RAP1A: variants seen among roughly 807,000 people sequenced by gnomAD.
RAP1A encodes RAP1A, member of RAS oncogene family, also known as ras-related protein Rap-1A.
RAP1A carries 6 observed loss-of-function variants against 26.4 expected under a neutral mutation model. The ratio of observed to expected loss-of-function variants is 0.23; its 90% CI spans 0.12 to 0.45. The LOEUF (loss-of-function observed/expected upper bound fraction) is 0.45, where lower values mean the gene tolerates loss of function less well. Among genes scored for constraint, RAP1A ranks in the 20% least tolerant of loss-of-function variants. The pLI is 0.99. For synonymous variants in RAP1A, 73 were observed against 79.4 expected, an observed-to-expected ratio of 0.92 and a Z score of 0.43; for missense variants, 121 against 217.2, an observed-to-expected ratio of 0.56 and a Z score of 2.78.
intron 1 of RAP1A, among the ~76,000 whole-genome samples, chr1:111,668,170 A>G (rs1660857691): frequency 6.6e-6 from 1 of 152,260 alleles, no homozygotes; most frequent in African/African-American, 2.4e-5. Flanking sequence ...GCCCAAAAGT[A>G]TCTTAAAATT....
At chr1:111,673,792 A>C (rs893812491) in intron 1 of RAP1A, among the ~76,000 whole-genome samples, 2 of 152,170 alleles carry the variant, frequency 1.3e-5, no homozygotes, top group African/African-American at 4.8e-5. Context: ...TAGAAAGAAA[A>C]ATTAACTTAC....
At position 111,713,849 on chromosome 1, in the gene RAP1A, T is replaced by A. The variant is rs1160584626; in HGVS notation, c.*1448T>A. On this transcript the variant is annotated 3_prime_UTR_variant, in exon 8 of 8. Transcript: ENST00000369709. Reference sequence around the variant, plus strand: ...GTAGAACAAAAAGCTTGTTAGCCAATTAAGTTCTGGAAAAGGAAAGAAACA... The same window carrying A: ...GTAGAACAAAAAGCTTGTTAGCCAAATAAGTTCTGGAAAAGGAAAGAAACA... 6.6e-6 allele frequency: 1 copy of A among 152,186 alleles called. No homozygotes were observed. Among genetic ancestry groups the A allele is most frequent in the Non-Finnish European group, 1.5e-5 (1 of 68,040 alleles). The allele number at this position is 152,186 out of a possible 1,614,324, so 9.4% of individuals were successfully genotyped here. A position where few individuals can be genotyped will look rare whatever the true frequency, so the allele number is the denominator to read the frequency against.
At chr1:111,553,780 C>G (rs1657371185) in intron 1 of RAP1A, among the ~76,000 whole-genome samples, 1 of 152,150 alleles carries the variant, frequency 6.6e-6, no homozygotes, top group South Asian at 2.1e-4. Flanking sequence ...CTTTCCTTTC[C>G]CCTTTTTTCC....
chr1:111,661,180 T>C (rs1660624863), intron 1 of RAP1A, among the ~76,000 whole-genome samples: 1 of 152,214 alleles, frequency 6.6e-6, no homozygotes, highest in African/African-American at 2.4e-5. Context: ...TTGTAAGCCA[T>C]GTTAACATCT....
At chr1:111,655,658 C>CTT (rs34266778) in intron 1 of RAP1A, among the ~76,000 whole-genome samples, 10,066 of 85,018 alleles carry the variant, frequency 0.12, 1,763 homozygotes, top group South Asian at 0.13. Flanking sequence ...TGTTCATAGT[C>CTT]TTTTTTTTTT....
At chr1:111,607,919 C>T (rs1410687786) in intron 1 of RAP1A, among the ~76,000 whole-genome samples, 3 of 140,860 alleles carry the variant, frequency 2.1e-5, no homozygotes, top group Non-Finnish European at 4.7e-5. Flanking sequence ...CAGAGGGGCT[C>T]CTCACTTCCC....
intron 1 of RAP1A, among the ~76,000 whole-genome samples, chr1:111,567,833 C>G (rs992017143): frequency 6.6e-6 from 1 of 152,212 alleles, no homozygotes; most frequent in Admixed American, 6.5e-5. Context: ...TCACCAGAAA[C>G]CAAATTTTCT....
chr1:111,703,617 T>C (rs1249507055), intron 5 of RAP1A, 141 bp downstream of exon 5: 2 of 766,430 alleles, frequency 2.6e-6, no homozygotes, highest in East Asian at 6.0e-5. Context: ...AAGAAAAAAA[T>C]TTAACTTTCA....
chr1:111,554,085 C>A (rs921269292), intron 1 of RAP1A, among the ~76,000 whole-genome samples: 13 of 152,342 alleles, frequency 8.5e-5, no homozygotes, highest in African/African-American at 3.1e-4. Flanking sequence ...AGATCCCCAC[C>A]ACTTATTAGC....
intron 1 of RAP1A, among the ~76,000 whole-genome samples, chr1:111,644,178 A>T (rs1659994478): frequency 6.6e-6 from 1 of 151,510 alleles, no homozygotes; most frequent in African/African-American, 2.4e-5. Flanking sequence ...TAACCGTTAC[A>T]TGGTTCAATA....
intron 1 of RAP1A, among the ~76,000 whole-genome samples, chr1:111,623,082 A>T (rs1443400418): frequency 6.6e-6 from 1 of 152,002 alleles, no homozygotes; most frequent in Non-Finnish European, 1.5e-5. Context: ...CAGTGGTGCA[A>T]TCTTGGCTCA....
At chr1:111,662,490 T>A (rs1660673074) in intron 1 of RAP1A, among the ~76,000 whole-genome samples, 1 of 152,182 alleles carries the variant, frequency 6.6e-6, no homozygotes, top group African/African-American at 2.4e-5. Context: ...GGGGTGTTAT[T>A]TCTCTTCACA....
At chr1:111,653,824 A>T (rs1280579500) in intron 1 of RAP1A, among the ~76,000 whole-genome samples, 2 of 152,174 alleles carry the variant, frequency 1.3e-5, no homozygotes, top group Non-Finnish European at 2.9e-5. Flanking sequence ...TGTGGGCATG[A>T]ATTAATGGAT....
At chr1:111,569,174 G>T (rs1657986631) in intron 1 of RAP1A, among the ~76,000 whole-genome samples, 1 of 151,970 alleles carries the variant, frequency 6.6e-6, no homozygotes, top group African/African-American at 2.4e-5. Flanking sequence ...AGGCCGAGGT[G>T]GGCGGATCAC....
intron 1 of RAP1A, among the ~76,000 whole-genome samples, chr1:111,629,638 T>G (rs1659508455): frequency 6.6e-6 from 1 of 152,208 alleles, no homozygotes; most frequent in Non-Finnish European, 1.5e-5. Context: ...TATTCAAATC[T>G]CTTCCCTTTA....
rs1018138475 is a variant in RAP1A, at chr1:111,552,921, A to G, written c.-28+10412A>G. Among the ~76,000 whole-genome samples the G allele has an allele frequency of 4.6e-5, 7 of 152,264 alleles. No homozygotes were observed. In the East Asian group the frequency reaches 1.3e-3, roughly 29 times the overall value. On this transcript the variant is annotated intron_variant, in intron 1 of 7. Coordinates refer to the RAP1A transcript ENST00000356415. ...AAATTGTTAGGCACTAAATGCATCC[A>G]GCAAACATTTATTAAAGCTAAATTT...
chr1:111,656,194 C>A (rs960732287), intron 1 of RAP1A, among the ~76,000 whole-genome samples: 29 of 150,998 alleles, frequency 1.9e-4, no homozygotes, highest in African/African-American at 7.1e-4. Context: ...TGAAAAACTT[C>A]AGTGACCTTG....
intron 2 of RAP1A, among the ~76,000 whole-genome samples, 172 bp from the exon 3 acceptor site, chr1:111,695,169 T>C (rs865882534): frequency 6.7e-6 from 1 of 150,188 alleles, no homozygotes; most frequent in Non-Finnish European, 1.5e-5. Context: ...ATAAATGTAC[T>C]CTTAGTTATG....
At chr1:111,653,227 GA>G (rs1419969433) in intron 1 of RAP1A, among the ~76,000 whole-genome samples, 1 of 152,120 alleles carries the variant, frequency 6.6e-6, no homozygotes, top group Non-Finnish European at 1.5e-5. Context: ...ACAGTAAGTA[GA>G]TTAGTGGTTG....
Sources: gnomAD v4.1 joint callset for allele counts (sites outside exome capture counted in the v4.1 genomes callset) on GRCh38, gnomAD v4.1.1 for gene constraint, MANE v1.5 for transcripts, NCBI Gene and HGNC (gene_info 2026-07-23, HGNC 2026-07-21) for gene names.